FSTL5: variants seen among roughly 807,000 people sequenced by gnomAD.
The protein encoded by FSTL5 is follistatin-related protein 5.
Under a neutral mutation model 89.1 loss-of-function variants are expected in FSTL5, and 62 were observed. That is an observed-to-expected ratio of 0.70 (90% CI 0.57 to 0.86). FSTL5 has a LOEUF of 0.86. Among genes scored for constraint, FSTL5 ranks in the 40% least tolerant of loss-of-function variants. The pLI is 0.00. For synonymous variants in FSTL5, 383 were observed against 346.2 expected (o/e 1.11, Z -1.18); for missense variants, 1,057 against 1,001.6 (o/e 1.06, Z -0.75).
chr4:161,395,024 T>G (rs1405541666), intron 15 of FSTL5, among the ~76,000 whole-genome samples: 1 of 152,160 alleles, frequency 6.6e-6, no homozygotes. Flanking sequence ...AGACAAGAGA[T>G]AAATCCTGAA....
At chr4:161,481,208 A>T (rs781331337) in intron 12 of FSTL5, 39 bp from the exon 13 acceptor site, 2 of 1,519,068 alleles carry the variant, frequency 1.3e-6, no homozygotes, top group South Asian at 2.4e-5. Context: ...TTATACCTTA[A>T]ATTATAACAC....
At chr4:161,484,300 C>T (rs927957874) in intron 12 of FSTL5, among the ~76,000 whole-genome samples, 2 of 152,136 alleles carry the variant, frequency 1.3e-5, no homozygotes, top group African/African-American at 4.8e-5. Context: ...ATATTTCTCA[C>T]AAACATGTCT....
At chr4:161,735,657 A>G (rs756255240) in intron 6 of FSTL5, among the ~76,000 whole-genome samples, 20 of 152,176 alleles carry the variant, frequency 1.3e-4, no homozygotes, top group Non-Finnish European at 2.8e-4. Context: ...CGTATAGTAT[A>G]AATACTTTCA....
chr4:161,417,781 G>A (rs777611211), intron 15 of FSTL5, among the ~76,000 whole-genome samples: 8 of 152,086 alleles, frequency 5.3e-5, no homozygotes, highest in South Asian at 2.1e-4. Flanking sequence ...ATACTTCCAC[G>A]TTTGTTTGTT....
Position 161,795,237 on chromosome 4 carries a change from A to G in FSTL5, c.410-19163T>C, listed in dbSNP as rs10213526. Among the ~76,000 whole-genome samples, 255 of 152,270 alleles carry G rather than the reference A, an allele frequency of 1.7e-3. 1 individual carries two copies. The highest frequency in any genetic ancestry group is 6.0e-3 in the African/African-American group (250 of 41,566). On this transcript the variant is annotated intron_variant, in intron 4 of 15. Coordinates refer to ENST00000306100, the MANE Select transcript of FSTL5 (RefSeq NM_020116.5). ...TAAACAATGAATTATTTTTTAGTAT[A>G]AAGTTTTCACAACATTACATTGTAT...
At chr4:161,411,866 A>T (rs1424015059) in intron 15 of FSTL5, among the ~76,000 whole-genome samples, 1 of 152,168 alleles carries the variant, frequency 6.6e-6, no homozygotes, top group Non-Finnish European at 1.5e-5. Flanking sequence ...AAAAGAAAGG[A>T]ATAAAAGGCA....
chr4:161,554,110 A>C (rs1732306311), intron 8 of FSTL5, among the ~76,000 whole-genome samples: 1 of 151,572 alleles, frequency 6.6e-6, no homozygotes, highest in African/African-American at 2.4e-5. Context: ...AAATGGAGGA[A>C]ACTAAATAAA....
chr4:161,440,411 C>A (rs552547365), intron 15 of FSTL5, among the ~76,000 whole-genome samples: 3 of 151,326 alleles, frequency 2.0e-5, no homozygotes, highest in Non-Finnish European at 4.4e-5. Flanking sequence ...AGCTGATGAG[C>A]CGAAAAAGAA....
At chr4:161,667,299 G>C (rs1736935395) in intron 6 of FSTL5, among the ~76,000 whole-genome samples, 1 of 152,022 alleles carries the variant, frequency 6.6e-6, no homozygotes, top group Admixed American at 6.6e-5. Context: ...ACACAACTTG[G>C]AAAACAATTC....
At chr4:162,146,572 C>A (rs1732993620) in intron 1 of FSTL5, among the ~76,000 whole-genome samples, 1 of 151,996 alleles carries the variant, frequency 6.6e-6, no homozygotes, top group African/African-American at 2.4e-5. Context: ...GTTAGTATGA[C>A]ACATTTGTCA....
At chr4:161,505,938 C>T (rs1483480396) in intron 11 of FSTL5, among the ~76,000 whole-genome samples, 2 of 152,090 alleles carry the variant, frequency 1.3e-5, no homozygotes, top group Non-Finnish European at 2.9e-5. Flanking sequence ...ATCACGTACT[C>T]GCCATTAGAA....
At chr4:161,648,719 CCCT>C (rs1446973316) in intron 7 of FSTL5, among the ~76,000 whole-genome samples, 1 of 151,892 alleles carries the variant, frequency 6.6e-6, no homozygotes, top group East Asian at 1.9e-4. Context: ...TTGCTAGTGC[CCCT>C]CCTGTGACAC....
intron 4 of FSTL5, among the ~76,000 whole-genome samples, chr4:161,791,654 G>A (rs568022340): frequency 2.0e-5 from 3 of 152,136 alleles, no homozygotes; most frequent in South Asian, 4.2e-4. Context: ...GACAGCGGTG[G>A]GTATCAGTAG....
intron 4 of FSTL5, among the ~76,000 whole-genome samples, chr4:161,835,850 T>C (rs1260173878): frequency 6.6e-6 from 1 of 150,486 alleles, no homozygotes; most frequent in East Asian, 2.0e-4. Context: ...TTTTACACTG[T>C]TGGTGGGACT....
intron 4 of FSTL5, among the ~76,000 whole-genome samples, chr4:161,871,269 C>T (rs76570935): frequency 0.031 from 4,777 of 152,050 alleles, 151 homozygotes; most frequent in East Asian, 0.14. Context: ...AGATATTAGC[C>T]AATCAGTCTA....
chr4:162,017,155 C>T (rs1459586709), intron 3 of FSTL5, among the ~76,000 whole-genome samples: 2 of 152,124 alleles, frequency 1.3e-5, no homozygotes, highest in East Asian at 1.9e-4. Context: ...GTGGTTACTC[C>T]GTGCAGGTTT....
chr4:161,998,346 A>G (rs1736361567), intron 3 of FSTL5, among the ~76,000 whole-genome samples: 1 of 152,100 alleles, frequency 6.6e-6, no homozygotes, highest in Non-Finnish European at 1.5e-5. Context: ...AAATATAACC[A>G]TCAAAAAAGA....
chr4:161,703,859 T>C (rs754813208), intron 6 of FSTL5, among the ~76,000 whole-genome samples: 96 of 152,158 alleles, frequency 6.3e-4, no homozygotes, highest in Non-Finnish European at 1.3e-3. Flanking sequence ...ATCTTTTTCT[T>C]TGAACATGGA....
At chr4:161,684,837 T>C (rs1737659356) in intron 6 of FSTL5, among the ~76,000 whole-genome samples, 1 of 152,188 alleles carries the variant, frequency 6.6e-6, no homozygotes, top group Admixed American at 6.5e-5. Flanking sequence ...CCTAAGCCAA[T>C]GTCTAGAAGG....
Sources: allele counts gnomAD v4.1 joint callset (sites outside exome capture counted in the v4.1 genomes callset), GRCh38; gene constraint gnomAD v4.1.1; transcripts MANE v1.5; gene names NCBI Gene and HGNC (gene_info 2026-07-23, HGNC 2026-07-21).